The following PLCG2 variants were observed in gnomAD, a reference collection of about 807,000 sequenced individuals.
PLCG2 encodes the protein 1-phosphatidylinositol 4,5-bisphosphate phosphodiesterase gamma-2.
In PLCG2, 69 loss-of-function variants were observed where a neutral mutation model predicts 175.6. That is an observed-to-expected ratio of 0.39 (90% CI 0.32 to 0.48). The LOEUF (loss-of-function observed/expected upper bound fraction) is 0.48. Ranked by LOEUF, PLCG2 falls within the 20% of genes least tolerant of loss-of-function variation. The probability of loss-of-function intolerance (pLI) is 0.91; values close to 1 mark genes in which losing one functional copy is unlikely to be tolerated. For synonymous variants in PLCG2, 827 were observed against 624.0 expected, an observed-to-expected ratio of 1.33 and a Z score of -4.85; for missense variants, 1,798 against 1,650.9, an observed-to-expected ratio of 1.09 and a Z score of -1.54.
intron 17 of PLCG2, among the ~76,000 whole-genome samples, chr16:81,909,936 G>A (rs1909543542): frequency 6.6e-6 from 1 of 150,614 alleles, no homozygotes; most frequent in Non-Finnish European, 1.5e-5. Flanking sequence ...TGGTTCATAT[G>A]TGGCAGAGCT....
At chr16:81,783,771 G>A (rs1160900489) in intron 1 of PLCG2, among the ~76,000 whole-genome samples, 1 of 152,212 alleles carries the variant, frequency 6.6e-6, no homozygotes. Flanking sequence ...CCTGGCTAAT[G>A]ATCAGGAGGT....
In PLCG2 at chr16:81,870,904, A is replaced by G. The variant is rs766231080; in HGVS notation, c.617A>G (p.Tyr206Cys). 1.9e-6 allele frequency: 3 copies of G among 1,601,286 alleles called. No homozygotes were observed. Among genetic ancestry groups the G allele is most frequent in the Non-Finnish European group, 1.7e-6 (2 of 1,172,400 alleles). The change falls in exon 7 of 33, where the codon TAT (tyrosine) becomes TGT (cysteine). Residue 206 changes from tyrosine to cysteine, a missense_variant. Tyr to Cys is a radical substitution (Grantham distance 194). Coordinates refer to ENST00000564138, the MANE Select transcript of PLCG2 (RefSeq NM_002661.5). The stretch of plus-strand genomic sequence containing the variant: ...AGCTTTGAACAGTTCCATCTCTTCT[A>G]TAAAAAACTTATGTTTGAACAGCAA... ...ELSFEQFHLF[Y>C]KKLMFEQQKS...
chr16:81,947,158 A>G (rs1245772252), intron 31 of PLCG2, among the ~76,000 whole-genome samples: 2 of 152,234 alleles, frequency 1.3e-5, no homozygotes, highest in Non-Finnish European at 2.9e-5. Flanking sequence ...GTGATTAGGT[A>G]TCACCAGCAG....
intron 2 of PLCG2, among the ~76,000 whole-genome samples, chr16:81,772,098 T>C (rs1056339465): frequency 6.6e-6 from 1 of 152,002 alleles, no homozygotes; most frequent in Non-Finnish European, 1.5e-5. Flanking sequence ...ATAGGGTCTT[T>C]ATGGAGGTAA....
At chr16:81,806,013 A>C (rs761593177) in intron 2 of PLCG2, among the ~76,000 whole-genome samples, 5 of 151,652 alleles carry the variant, frequency 3.3e-5, no homozygotes, top group Admixed American at 1.3e-4. Flanking sequence ...TTTATTAATA[A>C]ATTTTATTTA....
chr16:81,814,116 C>A (rs1162453266), intron 2 of PLCG2, among the ~76,000 whole-genome samples: 1 of 152,054 alleles, frequency 6.6e-6, no homozygotes, highest in Non-Finnish European at 1.5e-5. Flanking sequence ...GCTGGGAACC[C>A]AGGCTGGGGT....
chr16:81,774,809 C>T (rs181587222), upstream of PLCG2, among the ~76,000 whole-genome samples: 7 of 151,750 alleles, frequency 4.6e-5, no homozygotes, highest in East Asian at 7.8e-4. Context: ...CACATGATCT[C>T]GGCTCACTGC....
intron 2 of PLCG2, among the ~76,000 whole-genome samples, chr16:81,797,857 A>G (rs1911541972): frequency 6.9e-6 from 1 of 145,054 alleles, no homozygotes; most frequent in Non-Finnish European, 1.5e-5. Context: ...TTTGAGATGG[A>G]GTCTCACTCT....
At chr16:81,947,503 C>A (rs1214889366) in intron 31 of PLCG2, among the ~76,000 whole-genome samples, 2 of 152,166 alleles carry the variant, frequency 1.3e-5, no homozygotes, top group African/African-American at 2.4e-5. Context: ...TTAATGCCCA[C>A]GGTCATACCT....
intron 19 of PLCG2, among the ~76,000 whole-genome samples, chr16:81,914,109 C>T (rs532965599): frequency 1.3e-5 from 2 of 152,326 alleles, no homozygotes; most frequent in African/African-American, 4.8e-5. Flanking sequence ...GTCCGCTGCA[C>T]ACGGATTGAA....
intron 2 of PLCG2, among the ~76,000 whole-genome samples, chr16:81,786,887 T>C (rs1352281229): frequency 1.3e-5 from 2 of 152,238 alleles, no homozygotes; most frequent in African/African-American, 4.8e-5. Flanking sequence ...TCAACTCAAA[T>C]ATTTCTCCTC....
chr16:81,937,281 T>A (rs1275764207), intron 27 of PLCG2: 1 of 152,394 alleles, frequency 6.6e-6, no homozygotes. Context: ...AACTGATACA[T>A]CGTCGTCCAT....
intron 14 of PLCG2, among the ~76,000 whole-genome samples, chr16:81,902,129 T>C (rs1909177665): frequency 6.6e-6 from 1 of 152,234 alleles, no homozygotes; most frequent in African/African-American, 2.4e-5. Flanking sequence ...TCTACTGTTC[T>C]GTGCATGAGA....
In PLCG2 at chr16:81,946,273, G is replaced by T. The variant is rs1343041812; in HGVS notation, c.3570+10G>T. The T allele has an allele frequency of 6.2e-7, 1 of 1,600,738 alleles. No homozygotes were observed. The highest frequency in any genetic ancestry group is 8.6e-7 in the Non-Finnish European group (1 of 1,167,850). ...GATGCGGCCAGTCCTGGTGAGTGGAGAAACACCAGTTAAGGGTTCCCTGAG... is the reference window on the plus strand; with the variant it reads ...GATGCGGCCAGTCCTGGTGAGTGGATAAACACCAGTTAAGGGTTCCCTGAG... On this transcript the variant is annotated intron_variant, in intron 31 of 32. Transcript: ENST00000564138.
At chr16:81,930,694 G>A (rs1227108326) in intron 24 of PLCG2, among the ~76,000 whole-genome samples, 4 of 144,718 alleles carry the variant, frequency 2.8e-5, no homozygotes, top group African/African-American at 1.0e-4. Context: ...GCTGCAGGGA[G>A]CCAAGATCGC....
rs138190834 is a variant in PLCG2, at chr16:81,890,992, G to C, written c.868-480G>C. On this transcript the variant is annotated intron_variant, in intron 10 of 32. Coordinates refer to ENST00000564138, the MANE Select transcript of PLCG2 (RefSeq NM_002661.5). ...AGCCTGGCCGACATGGTAAAATTCT[G>C]TCTCTACTAAAAATACAAAAATTAG... is the stretch of plus-strand genomic sequence containing the variant. Among the ~76,000 whole-genome samples, 58 of 152,184 alleles carry C rather than the reference G, an allele frequency of 3.8e-4. No homozygotes were observed. In the East Asian group the frequency reaches 0.011, roughly 29 times the overall value.
At chr16:81,944,896 A>C (rs1911091076) in intron 30 of PLCG2, among the ~76,000 whole-genome samples, 1 of 152,288 alleles carries the variant, frequency 6.6e-6, no homozygotes, top group Admixed American at 6.5e-5. Context: ...CGTACAATCT[A>C]GGTGGTGGGT....
intron 2 of PLCG2, among the ~76,000 whole-genome samples, chr16:81,797,795 A>G (rs1391415723): frequency 6.6e-6 from 1 of 151,420 alleles, no homozygotes; most frequent in African/African-American, 2.4e-5. Context: ...ACCTTAGGCA[A>G]TCTACTTGGC....
Position 81,959,225 on chromosome 16 carries a change from A to G in PLCG2, c.*1227A>G, listed in dbSNP as rs367786769. The G allele has an allele frequency of 2.2e-5, 5 of 225,714 alleles. No homozygotes were observed. The highest frequency in any genetic ancestry group is 1.1e-4 in the African/African-American group (5 of 45,044). The allele number at this position is 225,714 out of a possible 1,614,324, so 14.0% of individuals were successfully genotyped here. ...AACGATGGCTGTGGTGGGGAAGAAC[A>G]AACCAGCAGTAAGCCTGATGTTTGA... is the stretch of plus-strand genomic sequence containing the variant. On this transcript the variant is annotated 3_prime_UTR_variant, in exon 33 of 33. Coordinates refer to ENST00000564138, the MANE Select transcript of PLCG2 (RefSeq NM_002661.5).
Sources: allele counts gnomAD v4.1 joint callset (sites outside exome capture counted in the v4.1 genomes callset), GRCh38; gene constraint gnomAD v4.1.1; transcripts MANE v1.5; gene names NCBI Gene and HGNC (gene_info 2026-07-23, HGNC 2026-07-21).